The following NAALADL2 variants were observed in gnomAD, a reference collection of about 807,000 sequenced individuals.
NAALADL2 encodes N-acetylated alpha-linked acidic dipeptidase like 2, also known as inactive N-acetylated-alpha-linked acidic dipeptidase-like protein 2.
Under a neutral mutation model 87.2 loss-of-function variants are expected in NAALADL2, and 76 were observed. The ratio of observed to expected loss-of-function variants is 0.87; its 90% CI spans 0.72 to 1.05. The LOEUF is 1.05. Ranked by LOEUF, NAALADL2 falls within the 50% of genes least tolerant of loss-of-function variation. The probability of loss-of-function intolerance (pLI) is 0.00; values close to 1 mark genes in which losing one functional copy is unlikely to be tolerated. For synonymous variants in NAALADL2, 354 were observed against 331.0 expected (o/e 1.07, Z -0.75); for missense variants, 1,089 against 945.8 (o/e 1.15, Z -1.99).
chr3:174,562,400 A>G (rs575522990), intron 2 of NAALADL2, among the ~76,000 whole-genome samples: 1 of 152,292 alleles, frequency 6.6e-6, no homozygotes, highest in Non-Finnish European at 1.5e-5. Flanking sequence ...GAGATTTTTG[A>G]AGCACTGATT....
intron 5 of NAALADL2, among the ~76,000 whole-genome samples, chr3:175,367,149 T>G (rs2148930127): frequency 6.6e-6 from 1 of 151,600 alleles, no homozygotes; most frequent in East Asian, 1.9e-4. Flanking sequence ...TTCTCAGGTT[T>G]GTCAAAGATC....
chr3:174,874,644 C>T (rs1396264412), intron 1 of NAALADL2, among the ~76,000 whole-genome samples: 1 of 152,090 alleles, frequency 6.6e-6, no homozygotes, highest in African/African-American at 2.4e-5. Context: ...GAAAAAATAA[C>T]CTTGACTGGG....
In NAALADL2 at chr3:174,885,876, GTTTTTTTTTTTTTTTTTTTTTTTTTTTTT is replaced by G. The variant is rs60403770; in HGVS notation, c.43+26454_43+26482del. Among the ~76,000 whole-genome samples the G allele has an allele frequency of 4.3e-3, 434 of 101,546 alleles. 2 individuals are homozygous for G. Among genetic ancestry groups the G allele is most frequent in the Non-Finnish European group, 5.3e-3 (267 of 50,562 alleles). 66.6% of individuals were successfully genotyped at this position (101,546 alleles called of 152,430 possible). ...GGAGCAAGGAGAGCCAGTCCGAGTT[GTTTTTTTTTTTTTTTTTTTTTTTTTTTTT>G]TTTTTTTTTTTTTTTTTTTTTTTTT... On this transcript the variant is annotated intron_variant, in intron 1 of 13. Transcript: ENST00000454872.
At position 175,256,362 on chromosome 3, in the gene NAALADL2, A is replaced by T; in HGVS notation, c.820-49A>T. On this transcript the variant is annotated intron_variant, in intron 3 of 13. Transcript: ENST00000454872. ...TTATACTAAATGGACAATTGGCTAT[A>T]CTTCTTCCTCTGAGGCTTTATTTTT... is the stretch of plus-strand genomic sequence containing the variant. 1.9e-6 allele frequency: 3 copies of T among 1,546,868 alleles called. No individual in the cohort carries two copies. In the South Asian group the frequency reaches 3.7e-5, roughly 19 times the overall value.
At chr3:175,268,449 C>T (rs191392199) in intron 4 of NAALADL2, among the ~76,000 whole-genome samples, 184 of 152,094 alleles carry the variant, frequency 1.2e-3, no homozygotes, top group African/African-American at 4.3e-3. Flanking sequence ...GGCCTAGGAC[C>T]TTATTAAACA....
At chr3:175,054,125 T>C (rs73038454) in intron 1 of NAALADL2, among the ~76,000 whole-genome samples, 7,207 of 152,342 alleles carry the variant, frequency 0.047, 575 homozygotes, top group African/African-American at 0.17. Context: ...TTCATAGGCA[T>C]ATTAAAAGCA....
chr3:174,829,217 A>G (rs1722339302), intron 3 of NAALADL2, among the ~76,000 whole-genome samples: 2 of 151,420 alleles, frequency 1.3e-5, no homozygotes, highest in African/African-American at 4.9e-5. Flanking sequence ...TGCACCCACT[A>G]ACTCGTCATC....
intron 1 of NAALADL2, among the ~76,000 whole-genome samples, chr3:174,453,466 A>G (rs372342444): frequency 7.5e-4 from 114 of 152,270 alleles, no homozygotes; most frequent in African/African-American, 2.7e-3. Context: ...GTACTTAATC[A>G]TCAGATTCTC....
chr3:175,671,799 T>C (rs138976239), intron 11 of NAALADL2, among the ~76,000 whole-genome samples: 1 of 152,156 alleles, frequency 6.6e-6, no homozygotes, highest in East Asian at 1.9e-4. Context: ...TTCTCATCCA[T>C]AATGGAAATA....
At chr3:175,524,195 G>A (rs892923125) in intron 9 of NAALADL2, among the ~76,000 whole-genome samples, 15 of 152,116 alleles carry the variant, frequency 9.9e-5, no homozygotes, top group Admixed American at 4.6e-4. Context: ...AAGTAGAATT[G>A]ATCTCATTTC....
chr3:175,414,944 G>A (rs1222414052), intron 5 of NAALADL2, among the ~76,000 whole-genome samples: 1 of 152,046 alleles, frequency 6.6e-6, no homozygotes, highest in African/African-American at 2.4e-5. Context: ...GAGTAAACTT[G>A]GAATAAATGA....
At chr3:174,549,735 C>A (rs566767733) in intron 1 of NAALADL2, among the ~76,000 whole-genome samples, 1 of 152,260 alleles carries the variant, frequency 6.6e-6, no homozygotes, top group African/African-American at 2.4e-5. Context: ...ATGTCATTGA[C>A]AACCGGGATT....
At chr3:175,465,417 T>C (rs1723839880) in intron 7 of NAALADL2, among the ~76,000 whole-genome samples, 1 of 151,864 alleles carries the variant, frequency 6.6e-6, no homozygotes, top group African/African-American at 2.4e-5. Context: ...GAATAAATTC[T>C]TGGGTTTTTA....
At chr3:175,036,872 C>A (rs1200008607) in intron 1 of NAALADL2, among the ~76,000 whole-genome samples, 1 of 137,942 alleles carries the variant, frequency 7.2e-6, no homozygotes, top group Non-Finnish European at 1.5e-5. Context: ...AGCATAATAA[C>A]TCCTGTTTTC....
At chr3:175,436,530 A>G (rs1417261781) in intron 5 of NAALADL2, among the ~76,000 whole-genome samples, 1 of 145,862 alleles carries the variant, frequency 6.9e-6, no homozygotes, top group Non-Finnish European at 1.5e-5. Context: ...CTGACTTTTT[A>G]ATGATTGCCA....
chr3:175,051,721 G>C (rs943691939), intron 1 of NAALADL2, among the ~76,000 whole-genome samples: 1 of 152,190 alleles, frequency 6.6e-6, no homozygotes, highest in African/African-American at 2.4e-5. Flanking sequence ...GACTTTAGGA[G>C]GTGAAAATTC....
intron 9 of NAALADL2, among the ~76,000 whole-genome samples, chr3:175,559,285 A>AT (rs1043636550): frequency 1.3e-5 from 2 of 150,892 alleles, no homozygotes; most frequent in African/African-American, 2.4e-5. Flanking sequence ...TTATTGTGTA[A>AT]TTTTTTTTGA....
intron 2 of NAALADL2, among the ~76,000 whole-genome samples, chr3:175,225,989 T>C (rs775826217): frequency 3.3e-5 from 5 of 152,162 alleles, no homozygotes; most frequent in Non-Finnish European, 7.4e-5. Context: ...TTCTGTGTGC[T>C]CTGGTTTTTA....
chr3:175,601,033 A>C (rs1013373736), intron 10 of NAALADL2, among the ~76,000 whole-genome samples: 7 of 152,196 alleles, frequency 4.6e-5, no homozygotes, highest in Non-Finnish European at 1.0e-4. Flanking sequence ...AATTACAATA[A>C]GGAAAAATCT....
Sources: gnomAD v4.1 joint callset for allele counts (sites outside exome capture counted in the v4.1 genomes callset) on GRCh38, gnomAD v4.1.1 for gene constraint, MANE v1.5 for transcripts, NCBI Gene and HGNC (gene_info 2026-07-23, HGNC 2026-07-21) for gene names.